Variants in ATG2B observed in about 807,000 individuals in gnomAD.
The protein encoded by ATG2B is autophagy related 2B.
ATG2B carries 121 observed loss-of-function variants against 241.3 expected under a neutral mutation model. The observed-to-expected ratio is 0.50, with a 90% CI of 0.43 to 0.58. The LOEUF (loss-of-function observed/expected upper bound fraction) is 0.58, where lower values mean the gene tolerates loss of function less well. Among genes scored for constraint, ATG2B ranks in the 20% least tolerant of loss-of-function variants. The pLI is 0.00. For missense variants in ATG2B, 2,306 were observed against 2,491.6 expected, an observed-to-expected ratio of 0.93 and a Z score of 1.59; for synonymous variants, 858 against 876.6, an observed-to-expected ratio of 0.98 and a Z score of 0.37.
In ATG2B at chr14:96,328,610, A is replaced by AAT. The variant is rs1887647869; in HGVS notation, c.1974+63_1974+64insAT. On this transcript the variant is annotated intron_variant, in intron 13 of 41. Coordinates refer to ENST00000359933, the MANE Select transcript of ATG2B (RefSeq NM_018036.7). ...TATATAATTGGGTTAAAACCTTATAATTGTGACAAAATATATATCAGATTA... is the reference window on the plus strand; with the variant it reads ...TATATAATTGGGTTAAAACCTTATAAATTTGTGACAAAATATATATCAGATTA... 1.9e-6 allele frequency: 3 copies of AAT among 1,553,990 alleles called. No homozygotes were observed. The Admixed American group carries it at 5.9e-5, about 30-fold the overall frequency.
rs1191249532 is a variant in ATG2B, at chr14:96,280,258, T to C, written c.*5497A>G. On this transcript the variant is annotated 3_prime_UTR_variant, in exon 42 of 42. Transcript: ENST00000359933. ...AAGACTTTTTGCTAAGTTAGGTAAC[T>C]GCTCCAAGCTTTTCTTAAATGAAGT... 6.6e-6 allele frequency: 1 copy of C among 152,226 alleles called. No homozygotes were observed. The highest frequency in any genetic ancestry group is 1.9e-4 in the East Asian group (1 of 5,196). The allele number at this position is 152,226 out of a possible 1,614,324, so 9.4% of individuals were successfully genotyped here. A position where few individuals can be genotyped will look rare whatever the true frequency, so the allele number is the denominator to read the frequency against.
intron 14 of ATG2B, among the ~76,000 whole-genome samples, chr14:96,326,762 A>G (rs890686564): frequency 3.9e-5 from 6 of 152,074 alleles, no homozygotes; most frequent in African/African-American, 1.4e-4. Context: ...GTCTTGCTGT[A>G]TCACCCAGGC....
At position 96,306,901 on chromosome 14, in the gene ATG2B, T is replaced by A. The variant is rs1296698254; in HGVS notation, c.4319A>T (p.Lys1440Ile). The part of the protein sequence containing the change: ...KPQANGVLDE[K>I]SQIQEPCCSD... ...ACAACATGGCTCCTGAATTTGAGAT[T>A]TTTCATCCAAAACACCTAGATAAAA... is the stretch of plus-strand genomic sequence containing the variant. The change falls in exon 30 of 42, where the codon AAA becomes ATA. Residue 1440 changes from lysine (K) to isoleucine (I), a missense_variant. By Grantham distance (102) the Lys-to-Ile change is moderately radical (BLOSUM62 -3). Around this residue, in one of 2 missense-constraint regions of ATG2B, gnomAD observed 1,927 missense variants for 2,011.2 expected, o/e 0.96. Coordinates refer to ENST00000359933, the MANE Select transcript of ATG2B (RefSeq NM_018036.7). 6.2e-7 allele frequency: 1 copy of A among 1,612,714 alleles called. No homozygotes were observed. Among genetic ancestry groups the A allele is most frequent in the African/African-American group, 1.3e-5 (1 of 74,938 alleles).
intron 41 of ATG2B, among the ~76,000 whole-genome samples, chr14:96,287,309 A>AT (rs1164456635): frequency 6.6e-6 from 1 of 151,434 alleles, no homozygotes; most frequent in Non-Finnish European, 1.5e-5. Context: ...AATAAGTACT[A>AT]CTTTAAAAAC....
chr14:96,353,810 C>T lies in ATG2B; in HGVS notation c.163-6469G>A, dbSNP rs992982293. Among the ~76,000 whole-genome samples, 7 of 151,884 alleles carry T rather than the reference C, an allele frequency of 4.6e-5. No homozygotes were observed. The East Asian group carries it at 1.4e-3, about 29-fold the overall frequency. ...GGCAGCATGATCAATAAAAGACAAGCATAAACTATATAAATTACAATGGAA... is the reference window on the plus strand; with the variant it reads ...GGCAGCATGATCAATAAAAGACAAGTATAAACTATATAAATTACAATGGAA... On this transcript the variant is annotated intron_variant, in intron 1 of 41. Coordinates refer to ENST00000359933, the MANE Select transcript of ATG2B (RefSeq NM_018036.7).
At chr14:96,327,230 CAATAATAATAATAAT>C (rs74459993) in intron 14 of ATG2B, among the ~76,000 whole-genome samples, 9 of 148,818 alleles carry the variant, frequency 6.0e-5, no homozygotes, top group African/African-American at 1.5e-4. Flanking sequence ...ATGTCTGTCT[CAATAATAATAATAAT>C]AATAATAATA....
chr14:96,311,469 A>G, intron 27 of ATG2B, 73 bp downstream of exon 27: 1 of 1,365,012 alleles, frequency 7.3e-7, no homozygotes, highest in Admixed American at 2.0e-5. Flanking sequence ...GGTACACGGA[A>G]AAATGTTAAA....
chr14:96,317,833 A>G lies in ATG2B; in HGVS notation c.2902T>C (p.Trp968Arg), dbSNP rs1887356246. 5 of 1,610,844 alleles carry G rather than the reference A, an allele frequency of 3.1e-6. No individual in the cohort carries two copies. Among genetic ancestry groups the G allele is most frequent in the Non-Finnish European group, 3.4e-6 (4 of 1,178,168 alleles). ...ACTGGTGAAGGAGCTGTTGGTTCCCACAGTAGCAAGTCATTAAAGATCCTA... is the reference window on the plus strand; with the variant it reads ...ACTGGTGAAGGAGCTGTTGGTTCCCGCAGTAGCAAGTCATTAAAGATCCTA... ...YNRIFNDLLL[W>R]EPTAPSPVET... The change falls in exon 19 of 42, where the codon TGG becomes CGG. Residue 968 changes from tryptophan (W) to arginine (R), a missense_variant. By Grantham distance (101) the Trp-to-Arg change is moderately radical. Around this residue, in one of 2 missense-constraint regions of ATG2B, gnomAD observed 1,927 missense variants for 2,011.2 expected, o/e 0.96. Transcript: ENST00000359933.
chr14:96,313,530 G>GA lies in ATG2B; in HGVS notation c.3643-96dup, dbSNP rs879014611. The GA allele has an allele frequency of 1.1e-4, 58 of 507,502 alleles. No homozygotes were observed. In the South Asian group the frequency reaches 2.1e-3, roughly 19 times the overall value. The allele number at this position is 507,502 out of a possible 1,614,324, so 31.4% of individuals were successfully genotyped here. ...CCAATGTAAACCAGAATATCTCACAGAAAAAATCATTTAATTGGAAAATCA... is the reference window on the plus strand; with the variant it reads ...CCAATGTAAACCAGAATATCTCACAGAAAAAAATCATTTAATTGGAAAATCA... On this transcript the variant is annotated intron_variant, in intron 23 of 41. Coordinates refer to ENST00000359933, the MANE Select transcript of ATG2B (RefSeq NM_018036.7).
Position 96,322,214 on chromosome 14 carries a change from T to C in ATG2B, c.2777A>G (p.Gln926Arg), listed in dbSNP as rs905248586. 4 of 1,597,196 alleles carry C rather than the reference T, an allele frequency of 2.5e-6. No homozygotes were observed. In the East Asian group the frequency reaches 6.8e-5, roughly 27 times the overall value. ...PGDPVEMTEF[Q>R]DKAISNSHYV... is the part of the protein sequence containing the mutation. The stretch of plus-strand genomic sequence containing the variant: ...GTGAGAATTGCTGATTGCTTTATCC[T>C]GAAATTCTGTCATTTCTACAGGGTC... Residue 926 changes from glutamine to arginine, a missense_variant, in exon 18 of 42, where the codon CAG becomes CGG. Coordinates refer to ENST00000359933, the MANE Select transcript of ATG2B (RefSeq NM_018036.7).
intron 7 of ATG2B, among the ~76,000 whole-genome samples, chr14:96,334,145 A>T (rs187040011): frequency 1.3e-5 from 2 of 152,326 alleles, no homozygotes; most frequent in East Asian, 3.9e-4. Flanking sequence ...GATTGTATGA[A>T]GTACTATCCC....
At position 96,305,569 on chromosome 14, in the gene ATG2B, T is replaced by C; in HGVS notation, c.4733+20A>G. On this transcript the variant is annotated intron_variant, in intron 31 of 41. Transcript: ENST00000359933. ...GAATATATTGGCCTCCCAAATAAAC[T>C]TATATAGAAATTAACTTACATATAA... is the stretch of plus-strand genomic sequence containing the variant. 1 of 1,538,362 alleles carries C rather than the reference T, an allele frequency of 6.5e-7. No homozygotes were observed. Among genetic ancestry groups the C allele is most frequent in the Non-Finnish European group, 8.9e-7 (1 of 1,119,210 alleles).
At chr14:96,307,907 C>T (rs1330632378) in intron 29 of ATG2B, among the ~76,000 whole-genome samples, 1 of 151,736 alleles carries the variant, frequency 6.6e-6, no homozygotes, top group African/African-American at 2.4e-5. Context: ...TCATTCTTTT[C>T]CCATTCATTC....
rs1255251695 is a variant in ATG2B at position 96,313,018 on chromosome 14, T to A, written c.3842+47A>T. On this transcript the variant is annotated intron_variant, in intron 25 of 41. Transcript: ENST00000359933. ...TGGTTTAGGTAAATATCAATTGGTA[T>A]GTTTCGAACAGCTTTGTTTAGTATA... is the stretch of plus-strand genomic sequence containing the variant. The A allele has an allele frequency of 1.7e-6, 2 of 1,187,496 alleles. 1 individual carries two copies. Among genetic ancestry groups the A allele is most frequent in the Admixed American group, 4.1e-5 (2 of 48,720 alleles). 73.6% of individuals were successfully genotyped at this position (1,187,496 alleles called of 1,614,324 possible). A position where few individuals can be genotyped will look rare whatever the true frequency, so the allele number is the denominator to read the frequency against.
Position 96,323,951 on chromosome 14 carries a change from C to G in ATG2B, c.2485G>C (p.Val829Leu), listed in dbSNP as rs1184025847. 1 of 1,611,096 alleles carries G rather than the reference C, an allele frequency of 6.2e-7. No individual in the cohort carries two copies. The highest frequency in any genetic ancestry group is 1.1e-5 in the South Asian group (1 of 90,376). ...KGDPSIKFFH[V>L]SSGVDGDTTS... is the part of the protein sequence containing the mutation. ...GTATCTCCATCTACTCCACTAGACA[C>G]ATGGAAAAACTTAATAGATGGATCT... The change falls in exon 16 of 42, where the codon GTG becomes CTG. Residue 829 changes from valine (V) to leucine (L), a missense_variant. This residue lies in a region of ATG2B where 1,927 missense variants were observed against 2,011.2 expected (regional missense o/e 0.96). Coordinates refer to ENST00000359933, the MANE Select transcript of ATG2B (RefSeq NM_018036.7).
chr14:96,344,698 T>C lies in ATG2B; in HGVS notation c.537A>G (p.Pro179=). ...GTGCAGTTCCAGTTTTGGAATTTTCTGGCACATGTTCAATTCTCAAAACAG... is the reference window on the plus strand; with the variant it reads ...GTGCAGTTCCAGTTTTGGAATTTTCCGGCACATGTTCAATTCTCAAAACAG... The part of the protein sequence containing the change: ...IDTVLRIEHV[P]ENSKTGTALE... The change falls in exon 4 of 42, where the codon CCA becomes CCG. Residue 179 remains proline (P), a synonymous_variant. Coordinates refer to ENST00000359933, the MANE Select transcript of ATG2B (RefSeq NM_018036.7). 4 of 1,607,718 alleles carry C rather than the reference T, an allele frequency of 2.5e-6. No individual in the cohort carries two copies. The highest frequency in any genetic ancestry group is 2.7e-5 in the African/African-American group (2 of 74,786).
intron 1 of ATG2B, among the ~76,000 whole-genome samples, chr14:96,351,611 C>CT (rs1363294915): frequency 2.0e-5 from 3 of 152,024 alleles, no homozygotes; most frequent in African/African-American, 7.2e-5. Flanking sequence ...TGGCCCACGC[C>CT]TTTAATCCCA....
rs184919820 is a variant in ATG2B at position 96,305,666 on chromosome 14, C to T, written c.4656G>A (p.Glu1552=). The T allele has an allele frequency of 3.5e-5, 56 of 1,614,154 alleles. 1 individual carries two copies. In the Admixed American group the frequency reaches 7.8e-4, roughly 23 times the overall value. ...PIPVIRYVVK[E]VSLVWHLYGG... is the part of the protein sequence containing the mutation. ...CATAAAGATGCCAGACAAGAGAGAC[C>T]TCCTTCACCACATAGCGAATCACAG... The change falls in exon 31 of 42, where the codon GAG becomes GAA. Residue 1552 remains glutamate (E), a synonymous_variant. Coordinates refer to ENST00000359933, the MANE Select transcript of ATG2B (RefSeq NM_018036.7).
chr14:96,345,409 T>C lies in ATG2B; in HGVS notation c.326-24A>G, dbSNP rs1022692121. ...TGCTGTGGAAAATATAAATTAATCCTAAATAATTTCTTAAGAGTTACAACA... is the reference window on the plus strand; with the variant it reads ...TGCTGTGGAAAATATAAATTAATCCCAAATAATTTCTTAAGAGTTACAACA... On this transcript the variant is annotated intron_variant, in intron 2 of 41. Transcript: ENST00000359933. The C allele has an allele frequency of 2.6e-5, 41 of 1,551,284 alleles. No homozygotes were observed. The East Asian group carries it at 9.3e-4, about 35-fold the overall frequency.
Sources: gnomAD v4.1 joint callset for allele counts (sites outside exome capture counted in the v4.1 genomes callset) on GRCh38, gnomAD v4.1.1 for gene constraint, gnomAD v4.1.1 regional missense constraint, MANE v1.5 for transcripts, NCBI Gene and HGNC (gene_info 2026-07-23, HGNC 2026-07-21) for gene names.